The following DNAH5 variants were observed in gnomAD, a reference collection of about 807,000 sequenced individuals.
DNAH5 encodes dynein axonemal heavy chain 5.
DNAH5 carries 372 observed loss-of-function variants against 518.2 expected under a neutral mutation model. That is an observed-to-expected ratio of 0.72 (90% CI 0.66 to 0.78). DNAH5 has a LOEUF of 0.78. Among genes scored for constraint, DNAH5 ranks in the 30% least tolerant of loss-of-function variants. The pLI is 0.00. For synonymous variants in DNAH5, 2,039 were observed against 2,025.9 expected (o/e 1.01, Z -0.17); for missense variants, 5,523 against 5,687.0 (o/e 0.97, Z 0.93).
In DNAH5 at chr5:13,707,664, G is replaced by A. The variant is rs980003586; in HGVS notation, c.13338+459C>T. On this transcript the variant is annotated intron_variant, in intron 76 of 78. Transcript: ENST00000265104. The surrounding 1 kb of genome is among the most constrained non-coding windows in gnomAD (Gnocchi z 4.0). Reference sequence around the variant, plus strand: ...GGGATAAGGGAACTCCTCCGATTTCGACAGCATGTAGCAGAAACTTTATTT... The same window carrying A: ...GGGATAAGGGAACTCCTCCGATTTCAACAGCATGTAGCAGAAACTTTATTT... Among the ~76,000 whole-genome samples the A allele has an allele frequency of 1.3e-5, 2 of 151,844 alleles. No individual in the cohort carries two copies. The highest frequency in any genetic ancestry group is 2.9e-5 in the Non-Finnish European group (2 of 67,974).
rs571164629 is a variant in DNAH5, at chr5:13,894,927, T to C, written c.2260-106A>G. ...ACTACTTTTATTTAGGGTCAAACTG[T>C]AGGGCTCTAATAGCCTGGCAGGTAG... On this transcript the variant is annotated intron_variant, in intron 15 of 78. Coordinates refer to ENST00000265104, the MANE Select transcript of DNAH5 (RefSeq NM_001369.3). 1.7e-4 allele frequency: 214 copies of C among 1,290,228 alleles called. 1 individual carries two copies. The highest frequency in any genetic ancestry group is 2.2e-4 in the Non-Finnish European group (204 of 910,000). 79.9% of individuals were successfully genotyped at this position (1,290,228 alleles called of 1,614,324 possible). A position where few individuals can be genotyped will look rare whatever the true frequency, so the allele number is the denominator to read the frequency against.
At chr5:13,875,853 A>C (rs1770815696) in intron 22 of DNAH5, among the ~76,000 whole-genome samples, 1 of 152,114 alleles carries the variant, frequency 6.6e-6, no homozygotes, top group African/African-American at 2.4e-5. Context: ...AACACATTAA[A>C]ACTAAACTTA....
chr5:13,925,474 A>G (rs1777770876), intron 3 of DNAH5, among the ~76,000 whole-genome samples: 1 of 152,196 alleles, frequency 6.6e-6, no homozygotes, highest in Non-Finnish European at 1.5e-5. Context: ...AACTTACAAA[A>G]GAAAGAGGTT....
Position 13,844,819 on chromosome 5 carries a change from C to A in DNAH5, c.5271+18G>T. ...GAAGGTACGGTGATTGTTGGCCTGC[C>A]ATTAGAATTAGGCGAACCTTTTCGT... is the stretch of plus-strand genomic sequence containing the variant. On this transcript the variant is annotated intron_variant, in intron 32 of 78. Transcript: ENST00000265104. 6.2e-7 allele frequency: 1 copy of A among 1,614,090 alleles called. No individual in the cohort carries two copies.
intron 72 of DNAH5, among the ~76,000 whole-genome samples, chr5:13,718,572 A>G (rs1273957287): frequency 2.6e-5 from 4 of 152,206 alleles, no homozygotes; most frequent in African/African-American, 9.6e-5. Flanking sequence ...TACTACTTTA[A>G]GTATGGAGCA....
At chr5:13,725,115 C>A (rs1369908123) in intron 70 of DNAH5, among the ~76,000 whole-genome samples, 1 of 152,136 alleles carries the variant, frequency 6.6e-6, no homozygotes, top group African/African-American at 2.4e-5. Flanking sequence ...ATGAAGCTTG[C>A]CCCCCACCTC....
At chr5:13,781,531 G>A (rs1282652226) in intron 52 of DNAH5, among the ~76,000 whole-genome samples, 1 of 137,154 alleles carries the variant, frequency 7.3e-6, no homozygotes, top group African/African-American at 2.8e-5. Flanking sequence ...GGACCTGGTG[G>A]GAGATAATTG....
At chr5:13,810,322 G>T (rs951605624) in intron 44 of DNAH5, 62 bp from the exon 45 acceptor site, 15 of 1,414,124 alleles carry the variant, frequency 1.1e-5, no homozygotes, top group Admixed American at 7.9e-5. Context: ...TTGCTCTAGG[G>T]TTTCAATGGG....
intron 41 of DNAH5, among the ~76,000 whole-genome samples, chr5:13,818,786 T>C (rs1262902962): frequency 6.6e-6 from 1 of 152,222 alleles, no homozygotes; most frequent in Non-Finnish European, 1.5e-5. Context: ...TTAAAGACAC[T>C]TGATGAGATA....
intron 1 of DNAH5, among the ~76,000 whole-genome samples, chr5:13,990,377 C>T (rs1291494144): frequency 6.6e-6 from 1 of 151,024 alleles, no homozygotes; most frequent in East Asian, 2.0e-4. Context: ...ATGGTGAAAC[C>T]CTGTCTCTTC....
At chr5:13,947,212 A>C (rs1486460782), upstream of DNAH5, among the ~76,000 whole-genome samples, 3 of 152,216 alleles carry the variant, frequency 2.0e-5, no homozygotes, top group African/African-American at 7.2e-5. Flanking sequence ...TTATGTGGAC[A>C]TATGTTCTGA....
chr5:14,010,304 T>C (rs913036219), intron 1 of DNAH5, among the ~76,000 whole-genome samples: 2 of 152,130 alleles, frequency 1.3e-5, no homozygotes, highest in Non-Finnish European at 2.9e-5. Context: ...ATTCTTTAAG[T>C]TCAACTCGAA....
intron 65 of DNAH5, among the ~76,000 whole-genome samples, chr5:13,738,885 A>G (rs1411666265): frequency 6.6e-6 from 1 of 152,224 alleles, no homozygotes; most frequent in Admixed American, 6.5e-5. Flanking sequence ...AAACTTATGT[A>G]TTAGAGAGTT....
chr5:13,983,355 C>A (rs1178180383), intron 1 of DNAH5, among the ~76,000 whole-genome samples: 1 of 152,224 alleles, frequency 6.6e-6, no homozygotes, highest in Non-Finnish European at 1.5e-5. Context: ...GGTTCTTGAA[C>A]TTTTAGTTCT....
chr5:13,767,494 A>G (rs1752669423), intron 58 of DNAH5, among the ~76,000 whole-genome samples: 1 of 152,352 alleles, frequency 6.6e-6, no homozygotes, highest in South Asian at 2.1e-4. Flanking sequence ...TGTGTAGTAG[A>G]GAACTGAAAA....
At chr5:13,727,016 TGTAAGAC>T (rs1462373566) in intron 70 of DNAH5, among the ~76,000 whole-genome samples, 2 of 152,238 alleles carry the variant, frequency 1.3e-5, no homozygotes, top group African/African-American at 4.8e-5. Context: ...GAAATTCAGT[TGTAAGAC>T]AACCTTACTG....
At chr5:13,864,358 C>T in intron 28 of DNAH5, 39 bp downstream of exon 28, 1 of 1,611,504 alleles carries the variant, frequency 6.2e-7, no homozygotes, top group Non-Finnish European at 8.5e-7. Flanking sequence ...CAAATAAATC[C>T]CATGAGACCT....
chr5:13,977,567 C>T (rs1391558643), intron 1 of DNAH5, among the ~76,000 whole-genome samples: 1 of 152,180 alleles, frequency 6.6e-6, no homozygotes, highest in Non-Finnish European at 1.5e-5. Flanking sequence ...CAATTTTCCC[C>T]TCCTCCTCCC....
chr5:13,762,691 A>C, intron 60 of DNAH5, 31 bp downstream of exon 60: 1 of 1,609,216 alleles, frequency 6.2e-7, no homozygotes, highest in Non-Finnish European at 8.5e-7. Flanking sequence ...CCGCCCAGCC[A>C]CCTTCACCCA....
Sources: allele counts gnomAD v4.1 joint callset (sites outside exome capture counted in the v4.1 genomes callset), GRCh38; gene constraint gnomAD v4.1.1; non-coding constraint Gnocchi (gnomAD v3.1); transcripts MANE v1.5; gene names NCBI Gene and HGNC (gene_info 2026-07-23, HGNC 2026-07-21).